MGAT5B: variants seen among roughly 807,000 people sequenced by gnomAD.
The protein encoded by MGAT5B is N-acetylglucosaminyl-transferase Vb.
MGAT5B carries 54 observed loss-of-function variants against 95.1 expected under a neutral mutation model. That is an observed-to-expected ratio of 0.57 (90% confidence interval 0.46 to 0.71). MGAT5B has a LOEUF of 0.71. Ranked by LOEUF, MGAT5B falls within the 30% of genes least tolerant of loss-of-function variation. The pLI, the probability that MGAT5B is intolerant of heterozygous loss-of-function variation, is 0.00. For synonymous variants in MGAT5B, 464 were observed against 451.0 expected, an observed-to-expected ratio of 1.03 and a Z score of -0.36; for missense variants, 935 against 1,088.6, an observed-to-expected ratio of 0.86 and a Z score of 1.99.
Position 76,906,224 on chromosome 17 carries a change from C to A in MGAT5B, c.1025+37C>A. The A allele has an allele frequency of 1.3e-6, 2 of 1,563,816 alleles. No individual in the cohort carries two copies. The highest frequency in any genetic ancestry group is 1.7e-6 in the Non-Finnish European group (2 of 1,161,576). On this transcript the variant is annotated intron_variant, in intron 8 of 17. Coordinates refer to ENST00000569840, the MANE Select transcript of MGAT5B (RefSeq NM_001199172.2). The surrounding 1 kb of genome is among the most constrained non-coding windows in gnomAD (Gnocchi z 4.6). ...GGAAAGCCACTGGCATTAAGTGGGGCAGGGAGGGGATGAAGGGGAACCCCA... is the reference window on the plus strand; with the variant it reads ...GGAAAGCCACTGGCATTAAGTGGGGAAGGGAGGGGATGAAGGGGAACCCCA...
In MGAT5B at chr17:76,915,151, C is replaced by A. The variant is rs1465186097; in HGVS notation, c.1025+8964C>A. 6.6e-6 allele frequency among the ~76,000 whole-genome samples: 1 copy of A among 152,164 alleles called. No individual in the cohort carries two copies. Among genetic ancestry groups the A allele is most frequent in the Non-Finnish European group, 1.5e-5 (1 of 68,034 alleles). On this transcript the variant is annotated intron_variant, in intron 8 of 17. Transcript: ENST00000569840. This position sits in a 1 kb window ranked among gnomAD's most constrained non-coding sequence, Gnocchi z 8.7. Reference sequence around the variant, plus strand: ...ATTTTTCGAGATAAGAGAGTGCACTCATGTTTAAATGTGGCTGCAAAGGAG... The same window carrying A: ...ATTTTTCGAGATAAGAGAGTGCACTAATGTTTAAATGTGGCTGCAAAGGAG...
At chr17:76,919,975 A>G (rs1213317071) in intron 8 of MGAT5B, among the ~76,000 whole-genome samples, 2 of 151,882 alleles carry the variant, frequency 1.3e-5, no homozygotes, top group Non-Finnish European at 2.9e-5. Flanking sequence ...GCAGGGGCCA[A>G]CTCTAACCAG....
chr17:76,922,730 A>G (rs967798660), intron 8 of MGAT5B, among the ~76,000 whole-genome samples: 12 of 152,210 alleles, frequency 7.9e-5, no homozygotes, highest in African/African-American at 2.7e-4. Context: ...CCCGTGTGGC[A>G]GGTGGTCTGT....
Position 76,930,162 on chromosome 17 carries a change from C to A in MGAT5B, c.1292-2483C>A, listed in dbSNP as rs1969435157. ...CTTCCAGGGCTCCTCCTGACCCTCCCAAAGCTCTAGAGGAGAGATCGTTTG... is the reference window on the plus strand; with the variant it reads ...CTTCCAGGGCTCCTCCTGACCCTCCAAAAGCTCTAGAGGAGAGATCGTTTG... On this transcript the variant is annotated intron_variant, in intron 10 of 17. Transcript: ENST00000569840. The surrounding 1 kb of genome is among the most constrained non-coding windows in gnomAD (Gnocchi z 4.1). 6.6e-6 allele frequency among the ~76,000 whole-genome samples: 1 copy of A among 152,088 alleles called. No individual in the cohort carries two copies. Among genetic ancestry groups the A allele is most frequent in the Non-Finnish European group, 1.5e-5 (1 of 68,008 alleles).
intron 3 of MGAT5B, among the ~76,000 whole-genome samples, chr17:76,887,648 G>C (rs546190023): frequency 6.7e-6 from 1 of 150,154 alleles, no homozygotes; most frequent in Non-Finnish European, 1.5e-5. Context: ...CCGCCTCCAG[G>C]GTTCAAGCAA....
intron 6 of MGAT5B, 49 bp downstream of exon 6, chr17:76,904,471 A>G (rs1293053516): frequency 2.6e-6 from 4 of 1,525,122 alleles, no homozygotes; most frequent in Middle Eastern, 2.1e-4. Flanking sequence ...GTGGCTGGAC[A>G]TTCTTAAGGA....
intron 2 of MGAT5B, among the ~76,000 whole-genome samples, chr17:76,877,591 G>C (rs1290341958): frequency 1.3e-5 from 2 of 152,204 alleles, no homozygotes; most frequent in Non-Finnish European, 2.9e-5. Flanking sequence ...GTCTGAGGAA[G>C]AGCCTGGTGT....
rs11077872 is a variant in MGAT5B, at chr17:76,870,349, T to C, written c.68+1252T>C. On this transcript the variant is annotated intron_variant, in intron 1 of 17. Transcript: ENST00000569840. The surrounding 1 kb of genome is among the most constrained non-coding windows in gnomAD (Gnocchi z 5.0). The stretch of plus-strand genomic sequence containing the variant: ...CCGGAGAGCTGGTGCAGGCCGTGGG[T>C]GGTGATGGGGGCGTCGGGAGCCCAT... Among the ~76,000 whole-genome samples the C allele has an allele frequency of 0.52, 78,656 of 151,630 alleles. 21,872 individuals carry two copies. Among genetic ancestry groups the C allele is most frequent in the East Asian group, 0.97 (4,920 of 5,090 alleles).
intron 2 of MGAT5B, among the ~76,000 whole-genome samples, chr17:76,880,853 C>T (rs1379436461): frequency 2.0e-5 from 3 of 152,182 alleles, no homozygotes; most frequent in Non-Finnish European, 4.4e-5. Context: ...TCCTCACTCT[C>T]CTGCTGGGGT....
intron 3 of MGAT5B, among the ~76,000 whole-genome samples, chr17:76,891,833 CT>C (rs945266275): frequency 2.0e-5 from 3 of 152,080 alleles, no homozygotes; most frequent in Non-Finnish European, 4.4e-5. Context: ...CTCAGAGAGG[CT>C]TGTGGGTCTA....
intron 8 of MGAT5B, among the ~76,000 whole-genome samples, chr17:76,921,042 G>A (rs76998420): frequency 0.068 from 10,290 of 152,258 alleles, 469 homozygotes; most frequent in East Asian, 0.21. Flanking sequence ...TTGACCAGGT[G>A]TGTCCCAGGT....
At chr17:76,882,904 AG>A (rs1317024915) in intron 3 of MGAT5B, among the ~76,000 whole-genome samples, 2 of 151,802 alleles carry the variant, frequency 1.3e-5, no homozygotes, top group Non-Finnish European at 2.9e-5. Context: ...TAGAAGAGAC[AG>A]GGTTTTACTA....
chr17:76,924,263 G>A (rs551183618), intron 8 of MGAT5B: 1 of 152,672 alleles, frequency 6.5e-6, no homozygotes, highest in African/African-American at 2.4e-5. Flanking sequence ...TGGAGCTGGG[G>A]GCCTGGGGGG....
intron 15 of MGAT5B, among the ~76,000 whole-genome samples, chr17:76,943,617 G>T (rs1042553997): frequency 8.4e-6 from 1 of 118,350 alleles, no homozygotes; most frequent in Non-Finnish European, 1.7e-5. Context: ...TAGAGATGGG[G>T]TGGGGTGGGG....
intron 6 of MGAT5B, among the ~76,000 whole-genome samples, 171 bp from the exon 7 acceptor site, chr17:76,904,998 G>C (rs900923579): frequency 1.3e-5 from 2 of 152,228 alleles, no homozygotes; most frequent in African/African-American, 4.8e-5. Flanking sequence ...GTGTTGACAG[G>C]GCGGGCAGGG....
chr17:76,871,529 T>C (rs562545649), intron 1 of MGAT5B, among the ~76,000 whole-genome samples: 5 of 152,376 alleles, frequency 3.3e-5, no homozygotes, highest in African/African-American at 1.2e-4. Flanking sequence ...AATTTTGTTG[T>C]GCTTTTTATT....
chr17:76,876,673 T>C lies in MGAT5B; in HGVS notation c.181+3710T>C, dbSNP rs1967203918. 1.3e-5 allele frequency among the ~76,000 whole-genome samples: 2 copies of C among 152,216 alleles called. 1 individual carries two copies. The highest frequency in any genetic ancestry group is 4.2e-4 in the South Asian group (2 of 4,814). On this transcript the variant is annotated intron_variant, in intron 2 of 17. Transcript: ENST00000569840. Reference sequence around the variant, plus strand: ...TGGTCTATGTGTGGGGCCTCCAAATTCTCCTCTGTGCCTGTTTATACTTCA... The same window carrying C: ...TGGTCTATGTGTGGGGCCTCCAAATCCTCCTCTGTGCCTGTTTATACTTCA...
chr17:76,887,351 G>A (rs568207065), intron 3 of MGAT5B, among the ~76,000 whole-genome samples: 165 of 151,806 alleles, frequency 1.1e-3, no homozygotes, highest in Non-Finnish European at 1.9e-3. Context: ...TTCAGAATAC[G>A]CCTTAGAAGC....
At chr17:76,926,553 C>A in intron 9 of MGAT5B, 44 bp from the exon 10 acceptor site, 1 of 1,573,428 alleles carries the variant, frequency 6.4e-7, no homozygotes. Flanking sequence ...CAGGGACACA[C>A]GGGGAGGTTG....
Sources: allele counts gnomAD v4.1 joint callset (sites outside exome capture counted in the v4.1 genomes callset), GRCh38; gene constraint gnomAD v4.1.1; non-coding constraint Gnocchi (gnomAD v3.1); transcripts MANE v1.5; gene names NCBI Gene and HGNC (gene_info 2026-07-23, HGNC 2026-07-21).